F13A1: variants seen among roughly 807,000 people sequenced by gnomAD.
F13A1 encodes FSF, A subunit.
A neutral mutation model predicts 80.1 loss-of-function variants in F13A1; 47 were observed. The observed-to-expected ratio is 0.59, with a 90% CI of 0.46 to 0.75. F13A1 has a LOEUF of 0.75. F13A1 is among the 30% of genes least tolerant of loss of function. The pLI is 0.00. For missense variants in F13A1, 817 were observed against 930.4 expected (o/e 0.88, Z 1.59); for synonymous variants, 349 against 344.9 (o/e 1.01, Z -0.13).
intron 1 of F13A1, among the ~76,000 whole-genome samples, chr6:6,319,217 C>T (rs2113208181): frequency 6.6e-6 from 1 of 152,216 alleles, no homozygotes; most frequent in Admixed American, 6.5e-5. Context: ...GATCTAGGTA[C>T]ATGGGATACA....
chr6:6,298,080 A>T (rs796757967), intron 3 of F13A1, among the ~76,000 whole-genome samples: 4,186 of 144,906 alleles, frequency 0.029, 143 homozygotes, highest in African/African-American at 0.093. Context: ...CTTAATCCTG[A>T]GTTCTAGTTT....
intron 13 of F13A1, 103 bp downstream of exon 13, chr6:6,167,355 C>G: frequency 9.2e-7 from 1 of 1,089,858 alleles, no homozygotes; most frequent in East Asian, 2.5e-5. Context: ...TTGAGCAGGA[C>G]ATTCATTCAC....
intron 8 of F13A1, among the ~76,000 whole-genome samples, chr6:6,199,850 G>A (rs879471358): frequency 6.6e-6 from 1 of 152,162 alleles, no homozygotes; most frequent in Admixed American, 6.5e-5. Context: ...TGCAATAGTG[G>A]ACCAGAAAGG....
intron 3 of F13A1, among the ~76,000 whole-genome samples, chr6:6,281,543 T>C (rs1029910684): frequency 2.6e-5 from 4 of 152,208 alleles, no homozygotes; most frequent in African/African-American, 9.7e-5. Flanking sequence ...CTTTTATATA[T>C]CATTATACCT....
chr6:6,296,858 A>T (rs1758336433), intron 3 of F13A1, among the ~76,000 whole-genome samples: 2 of 148,840 alleles, frequency 1.3e-5, no homozygotes, highest in South Asian at 4.2e-4. Context: ...GTTTTGGCCC[A>T]TTCAGTATGA....
At chr6:6,228,487 C>A (rs933476504) in intron 6 of F13A1, among the ~76,000 whole-genome samples, 1 of 151,878 alleles carries the variant, frequency 6.6e-6, no homozygotes, top group African/African-American at 2.4e-5. Context: ...TAATCCCAGC[C>A]CTTTGAGAGG....
At chr6:6,242,684 A>G (rs1757498538) in intron 6 of F13A1, among the ~76,000 whole-genome samples, 1 of 152,212 alleles carries the variant, frequency 6.6e-6, no homozygotes, top group Non-Finnish European at 1.5e-5. Context: ...ATTGCAAAAC[A>G]AACAAGCCCC....
intron 3 of F13A1, among the ~76,000 whole-genome samples, chr6:6,268,025 C>T (rs1757869453): frequency 2.0e-5 from 3 of 152,250 alleles, no homozygotes; most frequent in Admixed American, 2.0e-4. Context: ...TTTCACCTAT[C>T]AAATCCAAGT....
intron 6 of F13A1, among the ~76,000 whole-genome samples, chr6:6,227,108 A>G (rs1757287402): frequency 1.3e-5 from 2 of 152,278 alleles, no homozygotes; most frequent in South Asian, 4.1e-4. Context: ...TAAAAAAAAT[A>G]CTAGAAGAAA....
intron 8 of F13A1, among the ~76,000 whole-genome samples, chr6:6,213,781 C>T (rs1388536212): frequency 1.3e-5 from 2 of 148,892 alleles, no homozygotes. Flanking sequence ...ATTCAGGAAA[C>T]CCATCTCACG....
At position 6,243,410 on chromosome 6, in the gene F13A1, T is replaced by C. The variant is rs532204794; in HGVS notation, c.798+4902A>G. On this transcript the variant is annotated intron_variant, in intron 6 of 14. Transcript: ENST00000264870. The surrounding 1 kb of genome is among the most constrained non-coding windows in gnomAD (Gnocchi z 4.2). ...TTATCATATCATATTTGGTACCTGA[T>C]CGTCTTTGGAAGCTCATTCTCCAGG... Among the ~76,000 whole-genome samples, 1 of 152,260 alleles carries C rather than the reference T, an allele frequency of 6.6e-6. No homozygotes were observed. The highest frequency in any genetic ancestry group is 2.1e-4 in the South Asian group (1 of 4,814).
intron 2 of F13A1, among the ~76,000 whole-genome samples, chr6:6,308,781 TTGTTTG>T (rs1041304741): frequency 4.6e-5 from 7 of 151,334 alleles, no homozygotes; most frequent in Admixed American, 2.0e-4. Context: ...CCTGGCTAAT[TTGTTTG>T]TTTTTGTTTT....
chr6:6,269,994 G>A (rs938807664), intron 3 of F13A1, among the ~76,000 whole-genome samples: 1 of 152,194 alleles, frequency 6.6e-6, no homozygotes, highest in African/African-American at 2.4e-5. Context: ...TTACAGGCAT[G>A]AGCCACTGCG....
chr6:6,161,695 T>C (rs988098202), intron 13 of F13A1, among the ~76,000 whole-genome samples: 4 of 152,156 alleles, frequency 2.6e-5, no homozygotes, highest in Non-Finnish European at 5.9e-5. Flanking sequence ...CATTAAAGTT[T>C]AATGACTGTC....
At chr6:6,219,425 A>G (rs765197888) in intron 8 of F13A1, among the ~76,000 whole-genome samples, 3 of 152,106 alleles carry the variant, frequency 2.0e-5, no homozygotes, top group Admixed American at 6.5e-5. Context: ...GCCTACCTCT[A>G]TGGTAAGCAC....
At chr6:6,241,753 A>C (rs1757486762) in intron 6 of F13A1, among the ~76,000 whole-genome samples, 1 of 152,252 alleles carries the variant, frequency 6.6e-6, no homozygotes, top group Non-Finnish European at 1.5e-5. Flanking sequence ...TGTATGATCA[A>C]GGAATAAACT....
intron 6 of F13A1, among the ~76,000 whole-genome samples, chr6:6,233,735 A>G (rs1757381131): frequency 6.6e-6 from 1 of 152,176 alleles, no homozygotes; most frequent in African/African-American, 2.4e-5. Context: ...CAACATATCA[A>G]AAAGATAATC....
At chr6:6,226,634 G>A (rs1457278032) in intron 6 of F13A1, among the ~76,000 whole-genome samples, 4 of 152,010 alleles carry the variant, frequency 2.6e-5, no homozygotes, top group Admixed American at 1.3e-4. Flanking sequence ...TGTCTTCCCC[G>A]CTGGTTTATC....
At position 6,217,107 on chromosome 6, in the gene F13A1, G is replaced by T. The variant is rs1757104196; in HGVS notation, c.1112+4926C>A. Among the ~76,000 whole-genome samples the T allele has an allele frequency of 2.1e-5, 3 of 145,484 alleles. No homozygotes were observed. The South Asian group carries it at 6.9e-4, about 34-fold the overall frequency. On this transcript the variant is annotated intron_variant, in intron 8 of 14. Transcript: ENST00000264870. Reference sequence around the variant, plus strand: ...ACTGTAAACTAGTTCAACCATTGTGGAAGTCAGTGTGGCGATTCCTCAGGG... The same window carrying T: ...ACTGTAAACTAGTTCAACCATTGTGTAAGTCAGTGTGGCGATTCCTCAGGG...
Sources: allele counts gnomAD v4.1 joint callset (sites outside exome capture counted in the v4.1 genomes callset), GRCh38; gene constraint gnomAD v4.1.1; non-coding constraint Gnocchi (gnomAD v3.1); transcripts MANE v1.5; gene names NCBI Gene and HGNC (gene_info 2026-07-23, HGNC 2026-07-21).